The following CMTM4 variants were observed in gnomAD, a reference collection of about 807,000 sequenced individuals.
The protein encoded by CMTM4 is CKLF-like MARVEL transmembrane domain-containing protein 4.
CMTM4 carries 8 observed loss-of-function variants against 19.0 expected under a neutral mutation model. That is an observed-to-expected ratio of 0.42 (90% CI 0.25 to 0.76). The LOEUF is 0.76. Among genes scored for constraint, CMTM4 ranks in the 30% least tolerant of loss-of-function variants. CMTM4 has a pLI of 0.27. For missense variants in CMTM4, 228 were observed against 290.2 expected, an observed-to-expected ratio of 0.79 and a Z score of 1.56; for synonymous variants, 106 against 121.1, an observed-to-expected ratio of 0.88 and a Z score of 0.82.
chr16:66,636,535 C>T lies in CMTM4; in HGVS notation c.233G>A (p.Cys78Tyr), dbSNP rs1567410074. The change falls in exon 2 of 4, where the codon TGC becomes TAC. Residue 78 changes from cysteine (C) to tyrosine (Y), a missense_variant. By Grantham distance (194) the Cys-to-Tyr change is radical (BLOSUM62 -2). Coordinates refer to ENST00000394106, the MANE Select transcript of CMTM4 (RefSeq NM_181521.3). ...AFICIETIMA[C>Y]SPCEGLYFFE... Reference sequence around the variant, plus strand: ...AAAGTAGAGGCCTTCACACGGGGAGCATGCCATGATGGTCTCTATGCAGAT... The same window carrying T: ...AAAGTAGAGGCCTTCACACGGGGAGTATGCCATGATGGTCTCTATGCAGAT... 4 of 1,614,032 alleles carry T rather than the reference C, an allele frequency of 2.5e-6. No homozygotes were observed.
chr16:66,617,507 G>T lies in CMTM4; in HGVS notation c.*4551C>A, dbSNP rs1596896356. The T allele has an allele frequency of 5.0e-6, 7 of 1,405,268 alleles. No individual in the cohort carries two copies. Among genetic ancestry groups the T allele is most frequent in the Non-Finnish European group, 6.5e-6 (7 of 1,082,726 alleles). The allele number at this position is 1,405,268 out of a possible 1,614,324, so 87.0% of individuals were successfully genotyped here. ...AAATGCCACTCACTTGCATGAAGAA[G>T]AATTAAACAGAACATTCACTTTCGG... On this transcript the variant is annotated 3_prime_UTR_variant, in exon 4 of 4. Transcript: ENST00000394106.
intron 1 of CMTM4, among the ~76,000 whole-genome samples, chr16:66,678,002 GATCT>G (rs1267834161): frequency 2.0e-5 from 3 of 152,052 alleles, no homozygotes; most frequent in African/African-American, 7.2e-5. Context: ...CCGGCCTCAA[GATCT>G]ATTTTCGTGA....
chr16:66,601,134 T>C, the CMTM4 span, among the ~76,000 whole-genome samples: 1 of 151,288 alleles, frequency 6.6e-6, no homozygotes, highest in Non-Finnish European at 1.5e-5. Flanking sequence ...TGTGTGTGTG[T>C]TTATCTTTGT....
rs770875603 is a variant in CMTM4 at position 66,620,342 on chromosome 16, C to T, written c.*1716G>A. 3.6e-5 allele frequency: 35 copies of T among 985,318 alleles called. No individual in the cohort carries two copies. Among genetic ancestry groups the T allele is most frequent in the Admixed American group, 1.8e-4 (3 of 16,252 alleles). 61.0% of individuals were successfully genotyped at this position (985,318 alleles called of 1,614,324 possible). On this transcript the variant is annotated 3_prime_UTR_variant, in exon 4 of 4. Coordinates refer to ENST00000394106, the MANE Select transcript of CMTM4 (RefSeq NM_181521.3). The stretch of plus-strand genomic sequence containing the variant: ...CCTCTCTGTGGGAGCAGAGGGGAGA[C>T]GAGTTGTTAACAGGCTAGCAGGGTC...
At chr16:66,691,944 T>C (rs1190522398) in intron 1 of CMTM4, among the ~76,000 whole-genome samples, 1 of 152,242 alleles carries the variant, frequency 6.6e-6, no homozygotes, top group East Asian at 1.9e-4. Context: ...ATCAGTTAGA[T>C]ACCTAATACG....
intron 1 of CMTM4, among the ~76,000 whole-genome samples, chr16:66,687,585 C>T (rs539354089): frequency 5.9e-5 from 9 of 152,172 alleles, no homozygotes; most frequent in Admixed American, 1.3e-4. Context: ...CCCTCGGCCA[C>T]CCAGCTCCCC....
At chr16:66,667,574 A>C (rs1210784038) in intron 1 of CMTM4, among the ~76,000 whole-genome samples, 1 of 152,192 alleles carries the variant, frequency 6.6e-6, no homozygotes, top group East Asian at 1.9e-4. Context: ...TGATATTAAC[A>C]TATGAACTTT....
intron 2 of CMTM4, among the ~76,000 whole-genome samples, chr16:66,626,210 G>A (rs139330357): frequency 3.4e-4 from 52 of 152,326 alleles, no homozygotes; most frequent in African/African-American, 1.2e-3. Flanking sequence ...CGAGGTGGGC[G>A]GATCACCTGA....
intron 2 of CMTM4, among the ~76,000 whole-genome samples, chr16:66,631,820 G>A (rs1348603642): frequency 4.6e-5 from 7 of 152,084 alleles, no homozygotes; most frequent in Non-Finnish European, 8.8e-5. Flanking sequence ...CTCTGCGTAG[G>A]AAAACCAGAG....
chr16:66,654,897 A>G (rs1238334703), intron 1 of CMTM4, among the ~76,000 whole-genome samples: 2 of 152,224 alleles, frequency 1.3e-5, no homozygotes, highest in Non-Finnish European at 2.9e-5. Flanking sequence ...GAAAGGGCCA[A>G]CAGAGCCCTC....
At position 66,683,167 on chromosome 16, in the gene CMTM4, ATATATATACATATG is replaced by A. The variant is rs1271510795; in HGVS notation, c.186+13159_186+13172del. On this transcript the variant is annotated intron_variant, in intron 1 of 3. Transcript: ENST00000394106. ...TATATGTATATATATATACGTATATATATATATACATATGTATATATATATACATATATATATAT... is the reference window on the plus strand; with the variant it reads ...TATATGTATATATATATACGTATATATATATATATATACATATATATATAT... 2.5e-4 allele frequency among the ~76,000 whole-genome samples: 21 copies of A among 84,412 alleles called. 1 individual carries two copies. The highest frequency in any genetic ancestry group is 1.4e-3 in the East Asian group (3 of 2,116). The allele number at this position is 84,412 out of a possible 152,430, so 55.4% of individuals were successfully genotyped here. A position where few individuals can be genotyped will look rare whatever the true frequency, so the allele number is the denominator to read the frequency against.
downstream of CMTM4, among the ~76,000 whole-genome samples, chr16:66,612,289 C>G (rs994745708): frequency 1.3e-5 from 2 of 152,048 alleles, no homozygotes; most frequent in Admixed American, 6.6e-5. The surrounding 1 kb of genome is among the most constrained non-coding windows in gnomAD (Gnocchi z 6.0). Flanking sequence ...GCTTATAATC[C>G]CAGCTACTCG....
At position 66,618,995 on chromosome 16, in the gene CMTM4, T is replaced by G; in HGVS notation, c.*3063A>C. ...ATTGGGGCTGTGCAGGCTGCCACAT[T>G]CTTGCTTTTTCTGTAGACAAAAGTC... On this transcript the variant is annotated 3_prime_UTR_variant, in exon 4 of 4. Transcript: ENST00000394106. The G allele has an allele frequency of 1.0e-6, 1 of 985,494 alleles. No homozygotes were observed. Among genetic ancestry groups the G allele is most frequent in the Non-Finnish European group, 1.2e-6 (1 of 829,952 alleles). 61.0% of individuals were successfully genotyped at this position (985,494 alleles called of 1,614,324 possible). A position where few individuals can be genotyped will look rare whatever the true frequency, so the allele number is the denominator to read the frequency against.
chr16:66,637,036 A>T (rs904128720), intron 1 of CMTM4, among the ~76,000 whole-genome samples: 1 of 152,232 alleles, frequency 6.6e-6, no homozygotes, highest in Non-Finnish European at 1.5e-5. Context: ...TGCCATCTGC[A>T]GTTACCTTGG....
chr16:66,687,212 T>A (rs1008110850), intron 1 of CMTM4, among the ~76,000 whole-genome samples: 2 of 151,752 alleles, frequency 1.3e-5, no homozygotes, highest in African/African-American at 2.4e-5. Context: ...AAGTGGTCTG[T>A]ATTATCTAAA....
At chr16:66,604,517 G>C in the CMTM4 span, 13 of 260,326 alleles carry the variant, frequency 5.0e-5, no homozygotes, top group South Asian at 2.1e-3. Flanking sequence ...GGCGGTGATC[G>C]GGAGGTCTCC....
intron 2 of CMTM4, among the ~76,000 whole-genome samples, chr16:66,628,810 C>A (rs538772959): frequency 4.6e-5 from 7 of 152,240 alleles, no homozygotes; most frequent in Non-Finnish European, 8.8e-5. Flanking sequence ...CTTTTTATTA[C>A]TGAATAATAT....
In CMTM4 at chr16:66,615,054, C is replaced by CA. The variant is rs2015500500; in HGVS notation, c.*7003dup. 6.6e-6 allele frequency: 1 copy of CA among 152,256 alleles called. No individual in the cohort carries two copies. The highest frequency in any genetic ancestry group is 1.5e-5 in the Non-Finnish European group (1 of 68,064). The allele number at this position is 152,256 out of a possible 1,614,324, so 9.4% of individuals were successfully genotyped here. A position where few individuals can be genotyped will look rare whatever the true frequency, so the allele number is the denominator to read the frequency against. On this transcript the variant is annotated 3_prime_UTR_variant, in exon 4 of 4. Transcript: ENST00000394106. This position sits in a 1 kb window ranked among gnomAD's most constrained non-coding sequence, Gnocchi z 4.9. ...CCAGGCCAGCCAGGGGACGCCCACC[C>CA]AGGGCTTCCACGTCAGCTGAAAAAC...
At chr16:66,600,136 G>GTGTGTTTT in the CMTM4 span, among the ~76,000 whole-genome samples, 1 of 135,154 alleles carries the variant, frequency 7.4e-6, no homozygotes. Context: ...GTGTGTGTGT[G>GTGTGTTTT]TTTTTTTTTG....
Sources: gnomAD v4.1 joint callset for allele counts (sites outside exome capture counted in the v4.1 genomes callset) on GRCh38, gnomAD v4.1.1 for gene constraint, Gnocchi (gnomAD v3.1) non-coding constraint, MANE v1.5 for transcripts, NCBI Gene and HGNC (gene_info 2026-07-23, HGNC 2026-07-21) for gene names.